The following GSAP variants were observed in gnomAD, a reference collection of about 807,000 sequenced individuals.
GSAP encodes the protein gamma-secretase-activating protein.
A neutral mutation model predicts 131.7 loss-of-function variants in GSAP; 118 were observed. The ratio of observed to expected loss-of-function variants is 0.90; its 90% CI spans 0.77 to 1.04. GSAP has a LOEUF of 1.04. GSAP is among the 50% of genes least tolerant of loss of function. The pLI is 0.00. For missense variants in GSAP, 1,019 were observed against 1,013.2 expected, an observed-to-expected ratio of 1.01 and a Z score of -0.08; for synonymous variants, 381 against 363.4, an observed-to-expected ratio of 1.05 and a Z score of -0.55.
intron 16 of GSAP, among the ~76,000 whole-genome samples, chr7:77,354,194 G>A (rs1793324972): frequency 6.6e-6 from 1 of 152,178 alleles, no homozygotes; most frequent in South Asian, 2.1e-4. Context: ...GATATTATAA[G>A]GCACGCCTAA....
In GSAP at chr7:77,404,587, A is replaced by G. The variant is rs1474691488; in HGVS notation, c.215T>C (p.Leu72Ser). The change falls in exon 3 of 31, where the codon TTA (leucine) becomes TCA (serine). Residue 72 changes from leucine (L) to serine (S), a missense_variant. Leu to Ser is a moderately radical substitution (Grantham distance 145). Coordinates refer to ENST00000257626, the MANE Select transcript of GSAP (RefSeq NM_017439.4). ...KDDKGNVVFG[L>S]YDCQTRQNEL... ...ATTTTGTCTGGTTTGACAATCATAT[A>G]ATCCAAAGACGACATTTCCCTTATC... 2.6e-6 allele frequency: 4 copies of G among 1,559,894 alleles called. No homozygotes were observed. Among genetic ancestry groups the G allele is most frequent in the Non-Finnish European group, 3.5e-6 (4 of 1,132,648 alleles).
rs192960829 is a variant in GSAP at position 77,338,897 on chromosome 7, A to G, written c.1546-8530T>C. Among the ~76,000 whole-genome samples, 409 of 152,290 alleles carry G rather than the reference A, an allele frequency of 2.7e-3. 2 individuals carry two copies. The highest frequency in any genetic ancestry group is 4.2e-3 in the Non-Finnish European group (288 of 68,032). On this transcript the variant is annotated intron_variant, in intron 19 of 30. Transcript: ENST00000257626. ...TTCAGAATGCAGACAGAACAGGAGG[A>G]AGGTACCTATTCAGTTCCCACACAC...
chr7:77,406,959 A>G (rs910360797), intron 1 of GSAP, among the ~76,000 whole-genome samples: 2 of 152,154 alleles, frequency 1.3e-5, no homozygotes, highest in Admixed American at 6.5e-5. Context: ...GGCCTCTGAT[A>G]AAGAGGCCTC....
At position 77,311,187 on chromosome 7, in the gene GSAP, T is replaced by C; in HGVS notation, c.*171A>G. On this transcript the variant is annotated 3_prime_UTR_variant, in exon 31 of 31. Coordinates refer to ENST00000257626, the MANE Select transcript of GSAP (RefSeq NM_017439.4). Reference sequence around the variant, plus strand: ...TCACTGGCTATTCAAAATTGGAATGTGATACAGCAGTTCTGTCTGAACGTG... The same window carrying C: ...TCACTGGCTATTCAAAATTGGAATGCGATACAGCAGTTCTGTCTGAACGTG... The C allele has an allele frequency of 1.8e-6, 1 of 567,548 alleles. No homozygotes were observed. Among genetic ancestry groups the C allele is most frequent in the Non-Finnish European group, 3.2e-6 (1 of 317,294 alleles). 35.2% of individuals were successfully genotyped at this position (567,548 alleles called of 1,614,324 possible). A position where few individuals can be genotyped will look rare whatever the true frequency, so the allele number is the denominator to read the frequency against.
At chr7:77,381,375 A>C in intron 7 of GSAP, 21 bp from the exon 8 acceptor site, 1 of 1,331,586 alleles carries the variant, frequency 7.5e-7, no homozygotes, top group Non-Finnish European at 1.1e-6. Context: ...AAAACAAAGA[A>C]AGATAATTTA....
chr7:77,396,299 C>T (rs1383250752), intron 5 of GSAP, among the ~76,000 whole-genome samples: 1 of 151,950 alleles, frequency 6.6e-6, no homozygotes, highest in Non-Finnish European at 1.5e-5. Flanking sequence ...TTTTTTCTTA[C>T]ATTCAATCTG....
At chr7:77,396,160 G>A (rs1415455796) in intron 5 of GSAP, among the ~76,000 whole-genome samples, 4 of 151,878 alleles carry the variant, frequency 2.6e-5, no homozygotes, top group Non-Finnish European at 2.9e-5. Context: ...TCCCCCATGG[G>A]GCATCCCTAC....
intron 18 of GSAP, chr7:77,351,614 TTCTTTATATCGC>T (rs1792873796): frequency 3.0e-6 from 3 of 985,656 alleles, no homozygotes; most frequent in Non-Finnish European, 3.6e-6. Flanking sequence ...AACCACAGGT[TTCTTTATATCGC>T]TCTTCTTGGA....
intron 16 of GSAP, among the ~76,000 whole-genome samples, chr7:77,353,940 C>T (rs928968657): frequency 6.6e-6 from 1 of 152,144 alleles, no homozygotes; most frequent in Non-Finnish European, 1.5e-5. Flanking sequence ...TAGCAAAGCA[C>T]CAGTGGAAAG....
chr7:77,351,414 T>G, intron 18 of GSAP: 2 of 981,236 alleles, frequency 2.0e-6, no homozygotes, highest in Non-Finnish European at 2.4e-6. Flanking sequence ...TGGAAACTTT[T>G]TATTAAGGTT....
chr7:77,392,750 A>C (rs1001330232), intron 5 of GSAP, among the ~76,000 whole-genome samples: 1 of 152,200 alleles, frequency 6.6e-6, no homozygotes, highest in Non-Finnish European at 1.5e-5. Context: ...GGAGAGTTCA[A>C]TATGGCCTGG....
intron 3 of GSAP, among the ~76,000 whole-genome samples, chr7:77,399,515 T>C (rs1800972040): frequency 6.6e-6 from 1 of 152,178 alleles, no homozygotes; most frequent in African/African-American, 2.4e-5. Context: ...ATGTTCACTC[T>C]TGTATGCACT....
chr7:77,332,907 G>A lies in GSAP; in HGVS notation c.1546-2540C>T, dbSNP rs564411571. 2.6e-5 allele frequency among the ~76,000 whole-genome samples: 4 copies of A among 152,296 alleles called. 1 individual carries two copies. The South Asian group carries it at 8.3e-4, about 32-fold the overall frequency. ...CAGTTAAGAAATGCGGCCAGGTCAT[G>A]CCTGTACTCCCAGCATTTTGGAAGG... On this transcript the variant is annotated intron_variant, in intron 19 of 30. Coordinates refer to ENST00000257626, the MANE Select transcript of GSAP (RefSeq NM_017439.4).
chr7:77,409,426 T>C (rs374353025), intron 1 of GSAP, among the ~76,000 whole-genome samples: 1 of 152,186 alleles, frequency 6.6e-6, no homozygotes, highest in African/African-American at 2.4e-5. Flanking sequence ...TACTTTTCAA[T>C]GAGATAATGA....
intron 3 of GSAP, among the ~76,000 whole-genome samples, chr7:77,397,974 C>G (rs558537460): frequency 3.9e-5 from 6 of 152,124 alleles, no homozygotes; most frequent in African/African-American, 1.4e-4. Flanking sequence ...GGAAGGTAGA[C>G]TTCTTTAATT....
chr7:77,416,155 G>C, intron 1 of GSAP, 58 bp downstream of exon 1: 1 of 1,017,374 alleles, frequency 9.8e-7, no homozygotes, highest in Non-Finnish European at 1.3e-6. Context: ...GGAGTCCGGG[G>C]GGTATGAGGG....
intron 19 of GSAP, among the ~76,000 whole-genome samples, chr7:77,335,884 TAAC>T (rs1789908595): frequency 6.6e-6 from 1 of 152,172 alleles, no homozygotes; most frequent in Admixed American, 6.5e-5. Context: ...AGCTTTTACT[TAAC>T]AACCCAGAGA....
intron 18 of GSAP, among the ~76,000 whole-genome samples, chr7:77,349,744 G>A (rs748469497): frequency 3.3e-5 from 5 of 152,096 alleles, no homozygotes; most frequent in Admixed American, 6.5e-5. Context: ...CAAATGTAAC[G>A]ATAAAGGGGA....
chr7:77,313,674 T>C, intron 27 of GSAP, 125 bp from the exon 28 acceptor site: 1 of 505,808 alleles, frequency 2.0e-6, no homozygotes, highest in Non-Finnish European at 3.5e-6. Flanking sequence ...CTCAAGCTAA[T>C]CTAACAGCAT....
Sources: allele counts gnomAD v4.1 joint callset (sites outside exome capture counted in the v4.1 genomes callset), GRCh38; gene constraint gnomAD v4.1.1; transcripts MANE v1.5; gene names NCBI Gene and HGNC (gene_info 2026-07-23, HGNC 2026-07-21).